Variants in SLC15A1 observed in about 807,000 individuals in gnomAD.
SLC15A1 encodes the protein solute carrier family 15 member 1, also known as Caco-2 oligopeptide transporter.
Under a neutral mutation model 92.9 loss-of-function variants are expected in SLC15A1, and 83 were observed. That is an observed-to-expected ratio of 0.89 (90% CI 0.75 to 1.07). The LOEUF (loss-of-function observed/expected upper bound fraction) is 1.07. Among genes scored for constraint, SLC15A1 ranks in the 50% least tolerant of loss-of-function variants. The pLI is 0.00. For synonymous variants in SLC15A1, 322 were observed against 318.2 expected (o/e 1.01, Z -0.13); for missense variants, 857 against 880.1 (o/e 0.97, Z 0.33).
chr13:98,737,452 C>G (rs1240174637), intron 1 of SLC15A1, among the ~76,000 whole-genome samples: 2 of 152,082 alleles, frequency 1.3e-5, no homozygotes, highest in Non-Finnish European at 2.9e-5. Context: ...TGTAACAAAC[C>G]TGCACATTGT....
rs141268662 is a variant in SLC15A1 at position 98,734,419 on chromosome 13, A to T, written c.5-7560T>A. The stretch of plus-strand genomic sequence containing the variant: ...AACTGAGATGAACCTGGTTCATCTC[A>T]CTGGGACTGGTTGGACAGTGGGTGC... On this transcript the variant is annotated intron_variant, in intron 1 of 22. Coordinates refer to ENST00000376503, the MANE Select transcript of SLC15A1 (RefSeq NM_005073.4). Among the ~76,000 whole-genome samples, 203 of 152,252 alleles carry T rather than the reference A, an allele frequency of 1.3e-3. 1 individual carries two copies. The highest frequency in any genetic ancestry group is 4.5e-3 in the African/African-American group (188 of 41,552).
In SLC15A1 at chr13:98,726,131, T is replaced by C. The variant is rs1223680430; in HGVS notation, c.237A>G (p.Gly79=). The part of the protein sequence containing the change: ...LGALIADSWL[G]KFKTIVSLSI... ...AATTTCCAGCCACTCACTTGAACTT[T>C]CCCAGCCACGAGTCGGCGATAAGAG... Residue 79 remains glycine (G), a synonymous_variant, in exon 4 of 23, where the codon GGA becomes GGG. Transcript: ENST00000376503. The C allele has an allele frequency of 6.2e-7, 1 of 1,613,862 alleles. No individual in the cohort carries two copies. Among genetic ancestry groups the C allele is most frequent in the African/African-American group, 1.3e-5 (1 of 75,022 alleles).
chr13:98,744,691 G>C (rs1159167605), intron 1 of SLC15A1, among the ~76,000 whole-genome samples: 1 of 141,634 alleles, frequency 7.1e-6, no homozygotes, highest in Non-Finnish European at 1.5e-5. Flanking sequence ...AGAGGTTGCA[G>C]TGAGCCGAGA....
chr13:98,690,637 A>C (rs1221503605), intron 18 of SLC15A1, among the ~76,000 whole-genome samples: 3 of 152,092 alleles, frequency 2.0e-5, no homozygotes, highest in Admixed American at 2.0e-4. Flanking sequence ...TAACTTAATG[A>C]TGGGGATGGG....
intron 1 of SLC15A1, among the ~76,000 whole-genome samples, chr13:98,735,455 C>T (rs866002846): frequency 2.6e-5 from 4 of 152,212 alleles, no homozygotes; most frequent in South Asian, 2.1e-4. Context: ...CTCACCACTC[C>T]TATTCAACAT....
intron 1 of SLC15A1, among the ~76,000 whole-genome samples, chr13:98,732,338 A>G (rs991656498): frequency 6.6e-5 from 10 of 152,170 alleles, no homozygotes; most frequent in Non-Finnish European, 1.5e-4. Flanking sequence ...ACACATTGCA[A>G]TCACTGAATA....
chr13:98,745,956 C>T (rs1288784717), intron 1 of SLC15A1, among the ~76,000 whole-genome samples: 1 of 151,918 alleles, frequency 6.6e-6, no homozygotes, highest in Non-Finnish European at 1.5e-5. Flanking sequence ...TTTTGATGCT[C>T]AGATTATTTT....
At chr13:98,723,001 C>G (rs1854464985) in intron 5 of SLC15A1, among the ~76,000 whole-genome samples, 1 of 152,216 alleles carries the variant, frequency 6.6e-6, no homozygotes, top group Admixed American at 6.5e-5. Context: ...ACCAAGGAAA[C>G]TGAGGCATAG....
intron 11 of SLC15A1, among the ~76,000 whole-genome samples, chr13:98,711,445 G>C (rs1593991851): frequency 6.6e-6 from 1 of 152,156 alleles, no homozygotes; most frequent in Non-Finnish European, 1.5e-5. Flanking sequence ...CCATCTTACA[G>C]TGGAAGAGAT....
chr13:98,723,203 G>T (rs1467139558), intron 5 of SLC15A1, among the ~76,000 whole-genome samples: 1 of 152,084 alleles, frequency 6.6e-6, no homozygotes, highest in Non-Finnish European at 1.5e-5. Flanking sequence ...GTTCCCTCTG[G>T]GCACCAAGAG....
intron 11 of SLC15A1, among the ~76,000 whole-genome samples, chr13:98,710,497 A>C (rs1184595402): frequency 1.3e-5 from 2 of 152,130 alleles, no homozygotes; most frequent in African/African-American, 4.8e-5. Context: ...GAATCCATCA[A>C]CTCCACTAGA....
chr13:98,705,049 A>T (rs1351929150), intron 16 of SLC15A1, among the ~76,000 whole-genome samples: 1 of 151,830 alleles, frequency 6.6e-6, no homozygotes, highest in Non-Finnish European at 1.5e-5. Flanking sequence ...AAATACAAAA[A>T]TTAGTTGGGT....
intron 5 of SLC15A1, 119 bp from the exon 6 acceptor site, chr13:98,722,022 CTCG>C: frequency 2.7e-6 from 2 of 747,274 alleles, no homozygotes; most frequent in South Asian, 2.4e-5. Flanking sequence ...AGAAGACAAT[CTCG>C]CGAGAAGCCA....
rs566671876 is a variant in SLC15A1 at position 98,721,170 on chromosome 13, G to C, written c.556+325C>G. On this transcript the variant is annotated intron_variant, in intron 7 of 22. Transcript: ENST00000376503. The stretch of plus-strand genomic sequence containing the variant: ...GCTAAAATGGCAGCTACGGCCACCA[G>C]CTTGGCTTCCAAGGCACCTCTCTTG... 4.3e-4 allele frequency: 233 copies of C among 538,404 alleles called. 2 individuals carry two copies. Among genetic ancestry groups the C allele is most frequent in the Middle Eastern group, 4.0e-3 (14 of 3,466 alleles). 33.4% of individuals were successfully genotyped at this position (538,404 alleles called of 1,614,324 possible).
rs531087427 is a variant in SLC15A1, at chr13:98,736,799, C to T, written c.5-9940G>A. On this transcript the variant is annotated intron_variant, in intron 1 of 22. Transcript: ENST00000376503. ...AAATCAAAACCACAATGAGATACCA[C>T]CTCACACCAGTTAGAATGGCGATCA... 6.6e-5 allele frequency among the ~76,000 whole-genome samples: 10 copies of T among 152,160 alleles called. No homozygotes were observed. In the South Asian group the frequency reaches 1.9e-3, roughly 28 times the overall value.
chr13:98,752,343 C>G (rs1435497306), intron 1 of SLC15A1, among the ~76,000 whole-genome samples: 1 of 152,092 alleles, frequency 6.6e-6, no homozygotes. Flanking sequence ...GCCCCACGGG[C>G]GGGCGGGCCA....
intron 1 of SLC15A1, among the ~76,000 whole-genome samples, chr13:98,729,455 G>T (rs1040726306): frequency 6.6e-6 from 1 of 152,170 alleles, no homozygotes; most frequent in African/African-American, 2.4e-5. Flanking sequence ...AATGATGCTG[G>T]TCTGGGGACT....
chr13:98,751,206 G>C (rs2088543574), intron 1 of SLC15A1, among the ~76,000 whole-genome samples: 1 of 151,808 alleles, frequency 6.6e-6, no homozygotes, highest in Non-Finnish European at 1.5e-5. Context: ...CTTTTTTGTT[G>C]CTATTCACAT....
At chr13:98,697,761 G>A (rs2088034620) in intron 18 of SLC15A1, among the ~76,000 whole-genome samples, 1 of 151,884 alleles carries the variant, frequency 6.6e-6, no homozygotes, top group African/African-American at 2.4e-5. Context: ...GTTTTCTCTT[G>A]ACAAGATATT....
Sources: gnomAD v4.1 joint callset for allele counts (sites outside exome capture counted in the v4.1 genomes callset) on GRCh38, gnomAD v4.1.1 for gene constraint, MANE v1.5 for transcripts, NCBI Gene and HGNC (gene_info 2026-07-23, HGNC 2026-07-21) for gene names.